Variants in OSBPL5 observed in about 807,000 individuals in gnomAD.
The protein encoded by OSBPL5 is oxysterol-binding protein-related protein 5.
OSBPL5 carries 71 observed loss-of-function variants against 111.2 expected under a neutral mutation model. That is an observed-to-expected ratio of 0.64 (90% CI 0.53 to 0.78). The LOEUF is 0.78. Ranked by LOEUF, OSBPL5 falls within the 30% of genes least tolerant of loss-of-function variation. OSBPL5 has a pLI of 0.00. For missense variants in OSBPL5, 1,210 were observed against 1,189.3 expected (o/e 1.02, Z -0.26); for synonymous variants, 549 against 513.9 (o/e 1.07, Z -0.93).
chr11:3,092,786 C>T lies in OSBPL5; in HGVS notation c.2132+81G>A. 5 of 1,444,946 alleles carry T rather than the reference C, an allele frequency of 3.5e-6. No homozygotes were observed. Among genetic ancestry groups the T allele is most frequent in the Non-Finnish European group, 3.7e-6 (4 of 1,088,200 alleles). The allele number at this position is 1,444,946 out of a possible 1,614,324, so 89.5% of individuals were successfully genotyped here. Reference sequence around the variant, plus strand: ...GGACAGGCTGAAGGTGAGAGGGAAGCCAGGAGCCCCTGGGCCCTTCTCAGC... The same window carrying T: ...GGACAGGCTGAAGGTGAGAGGGAAGTCAGGAGCCCCTGGGCCCTTCTCAGC... On this transcript the variant is annotated intron_variant, in intron 18 of 21. Transcript: ENST00000263650. The surrounding 1 kb of genome is among the most constrained non-coding windows in gnomAD (Gnocchi z 5.4).
intron 15 of OSBPL5, 141 bp downstream of exon 15, chr11:3,094,096 G>A (rs944527394): frequency 1.2e-5 from 10 of 844,692 alleles, no homozygotes; most frequent in Middle Eastern, 3.1e-4. Flanking sequence ...CCCTGTCTGT[G>A]TTCCGGGATG....
chr11:3,098,189 G>A (rs569279456), intron 14 of OSBPL5, among the ~76,000 whole-genome samples: 6 of 151,538 alleles, frequency 4.0e-5, no homozygotes, highest in East Asian at 1.9e-4. Context: ...TGAGTTACAC[G>A]TCAAGTTAAT....
chr11:3,160,910 G>T (rs899169210), intron 1 of OSBPL5: 1 of 152,188 alleles, frequency 6.6e-6, no homozygotes, highest in Non-Finnish European at 1.5e-5. Context: ...GAAGCACAGG[G>T]CACTTACCAA....
At position 3,094,651 on chromosome 11, in the gene OSBPL5, A is replaced by G. The variant is rs555359437; in HGVS notation, c.1622-317T>C. ...TCTGTCCTCGCCAGGGCCTTTGCTCATGTCAGGTGTCGCCTCCTGTTCCAG... is the reference window on the plus strand; with the variant it reads ...TCTGTCCTCGCCAGGGCCTTTGCTCGTGTCAGGTGTCGCCTCCTGTTCCAG... On this transcript the variant is annotated intron_variant, in intron 14 of 21. Coordinates refer to ENST00000263650, the MANE Select transcript of OSBPL5 (RefSeq NM_020896.4). 4 of 299,824 alleles carry G rather than the reference A, an allele frequency of 1.3e-5. No homozygotes were observed. The South Asian group carries it at 1.9e-4, about 15-fold the overall frequency. 18.6% of individuals were successfully genotyped at this position (299,824 alleles called of 1,614,324 possible).
intron 21 of OSBPL5, 74 bp from the exon 22 acceptor site, chr11:3,088,417 G>T: frequency 5.1e-6 from 7 of 1,379,116 alleles, no homozygotes; most frequent in Non-Finnish European, 3.8e-6. Context: ...CCAGGACAGT[G>T]CCCTGGGTAC....
chr11:3,103,608 G>A (rs969455300), intron 10 of OSBPL5, among the ~76,000 whole-genome samples: 16 of 152,126 alleles, frequency 1.1e-4, no homozygotes, highest in Middle Eastern at 3.4e-3. Context: ...CCATGCTCTT[G>A]TTCCCACCTG....
rs752384019 is a variant in OSBPL5, at chr11:3,104,189, G to A, written c.1244+4C>T. Reference sequence around the variant, plus strand: ...TGGGGTGCCCCTCCCGGCATGGCGCGCACCTGGAGAGCAGGTCTGCGTGGT... The same window carrying A: ...TGGGGTGCCCCTCCCGGCATGGCGCACACCTGGAGAGCAGGTCTGCGTGGT... On this transcript the variant is annotated splice_donor_region_variant and intron_variant, in intron 10 of 21. Coordinates refer to ENST00000263650, the MANE Select transcript of OSBPL5 (RefSeq NM_020896.4). This position sits in a 1 kb window ranked among gnomAD's most constrained non-coding sequence, Gnocchi z 5.0. 25 of 1,597,774 alleles carry A rather than the reference G, an allele frequency of 1.6e-5. No individual in the cohort carries two copies. Among genetic ancestry groups the A allele is most frequent in the Admixed American group, 8.4e-5 (5 of 59,410 alleles).
Position 3,109,956 on chromosome 11 carries a change from C to T in OSBPL5, c.692-2011G>A, listed in dbSNP as rs1857857765. On this transcript the variant is annotated intron_variant, in intron 7 of 21. Transcript: ENST00000263650. The surrounding 1 kb of genome is among the most constrained non-coding windows in gnomAD (Gnocchi z 7.4). Reference sequence around the variant, plus strand: ...GGTGGCCCACACCCTATCAGGGGCTCAGCTCACACCTCAGCCCAACCTGCC... The same window carrying T: ...GGTGGCCCACACCCTATCAGGGGCTTAGCTCACACCTCAGCCCAACCTGCC... Among the ~76,000 whole-genome samples the T allele has an allele frequency of 6.6e-6, 1 of 152,198 alleles. No homozygotes were observed. The highest frequency in any genetic ancestry group is 2.1e-4 in the South Asian group (1 of 4,828).
intron 7 of OSBPL5, among the ~76,000 whole-genome samples, chr11:3,111,593 T>C (rs563857551): frequency 6.6e-6 from 1 of 152,308 alleles, no homozygotes; most frequent in South Asian, 2.1e-4. Flanking sequence ...CTTTTTCCCA[T>C]TGACCTCTAT....
At chr11:3,125,985 G>C (rs1043773333) in intron 3 of OSBPL5, among the ~76,000 whole-genome samples, 2 of 152,082 alleles carry the variant, frequency 1.3e-5, no homozygotes, top group Non-Finnish European at 2.9e-5. Flanking sequence ...CCATTTCAAA[G>C]AAAAAGGAAA....
At chr11:3,103,407 G>A (rs1057398206) in intron 10 of OSBPL5, 87 bp from the exon 11 acceptor site, 3 of 1,235,180 alleles carry the variant, frequency 2.4e-6, no homozygotes, top group African/African-American at 3.0e-5. Flanking sequence ...CTACCATCCC[G>A]ACCTCCAACC....
rs1846075832 is a variant in OSBPL5 at position 3,140,505 on chromosome 11, G to A, written c.-21-11336C>T. Reference sequence around the variant, plus strand: ...GGGAACACAAGGCCTTGACCTGGTAGCCCACTTTCAACACTCCGTGAGCAC... The same window carrying A: ...GGGAACACAAGGCCTTGACCTGGTAACCCACTTTCAACACTCCGTGAGCAC... On this transcript the variant is annotated intron_variant, in intron 1 of 21. Coordinates refer to ENST00000263650, the MANE Select transcript of OSBPL5 (RefSeq NM_020896.4). This position sits in a 1 kb window ranked among gnomAD's most constrained non-coding sequence, Gnocchi z 4.5. Among the ~76,000 whole-genome samples the A allele has an allele frequency of 6.6e-6, 1 of 152,132 alleles. No homozygotes were observed. The highest frequency in any genetic ancestry group is 1.5e-5 in the Non-Finnish European group (1 of 68,018).
chr11:3,094,412 A>C, intron 14 of OSBPL5, 78 bp from the exon 15 acceptor site: 1 of 1,153,718 alleles, frequency 8.7e-7, no homozygotes, highest in Middle Eastern at 2.2e-4. Flanking sequence ...CCGACCCAGC[A>C]GCACCGATCC....
chr11:3,148,415 T>C (rs1405625648), intron 1 of OSBPL5, among the ~76,000 whole-genome samples: 2 of 152,164 alleles, frequency 1.3e-5, no homozygotes, highest in Non-Finnish European at 2.9e-5. Flanking sequence ...GACACGTACT[T>C]TGCCCCCCAC....
At chr11:3,125,777 C>G (rs1175620701) in intron 3 of OSBPL5, among the ~76,000 whole-genome samples, 6 of 140,264 alleles carry the variant, frequency 4.3e-5, no homozygotes, top group African/African-American at 1.7e-4. Flanking sequence ...TGCACTCCAG[C>G]CTGGGTGACA....
In OSBPL5 at chr11:3,140,361, G is replaced by A. The variant is rs1846071350; in HGVS notation, c.-21-11192C>T. Among the ~76,000 whole-genome samples, 1 of 152,166 alleles carries A rather than the reference G, an allele frequency of 6.6e-6. No homozygotes were observed. The highest frequency in any genetic ancestry group is 2.4e-5 in the African/African-American group (1 of 41,430). ...GTATCCCTCAGGTGCTGGACAGGCA[G>A]GGTAGGGCTCACAGCCAAGCTAGGA... is the stretch of plus-strand genomic sequence containing the variant. On this transcript the variant is annotated intron_variant, in intron 1 of 21. Coordinates refer to ENST00000263650, the MANE Select transcript of OSBPL5 (RefSeq NM_020896.4). The surrounding 1 kb of genome is among the most constrained non-coding windows in gnomAD (Gnocchi z 4.5).
rs139713716 is a variant in OSBPL5 at position 3,090,616 on chromosome 11, G to A, written c.2340C>T (p.Ser780=). The change falls in exon 20 of 22, where the codon TCC becomes TCT. Residue 780 remains serine (S), a synonymous_variant. Transcript: ENST00000263650. ...GHSQATESSG[S]TPESCPELSD... ...AGAGCTCTGGGCAGGACTCAGGCGT[G>A]GATCCGCTGCTCTCCGTGGCCTGGC... The A allele has an allele frequency of 4.6e-4, 736 of 1,613,012 alleles. 4 individuals are homozygous for A. Among genetic ancestry groups the A allele is most frequent in the Non-Finnish European group, 7.5e-5 (88 of 1,179,978 alleles).
chr11:3,088,918 C>T lies in OSBPL5; in HGVS notation c.2502-575G>A, dbSNP rs146665818. Among the ~76,000 whole-genome samples, 435 of 152,198 alleles carry T rather than the reference C, an allele frequency of 2.9e-3. 2 individuals carry two copies. Among genetic ancestry groups the T allele is most frequent in the African/African-American group, 0.01 (416 of 41,528 alleles). On this transcript the variant is annotated intron_variant, in intron 21 of 21. Coordinates refer to ENST00000263650, the MANE Select transcript of OSBPL5 (RefSeq NM_020896.4). Reference sequence around the variant, plus strand: ...GCCTCCGGGACCGCGAGGGAGTAGACGCGCTGTCCGAGCCCCTTGCCGGCA... The same window carrying T: ...GCCTCCGGGACCGCGAGGGAGTAGATGCGCTGTCCGAGCCCCTTGCCGGCA...
intron 1 of OSBPL5, among the ~76,000 whole-genome samples, chr11:3,143,783 C>A (rs1846233303): frequency 6.6e-6 from 1 of 152,192 alleles, no homozygotes; most frequent in South Asian, 2.1e-4. Flanking sequence ...ACCAGATGAT[C>A]CTGGAGCCCT....
Sources: allele counts gnomAD v4.1 joint callset (sites outside exome capture counted in the v4.1 genomes callset), GRCh38; gene constraint gnomAD v4.1.1; non-coding constraint Gnocchi (gnomAD v3.1); transcripts MANE v1.5; gene names NCBI Gene and HGNC (gene_info 2026-07-23, HGNC 2026-07-21).